Variants in CD99L2 observed in about 807,000 individuals in gnomAD.
CD99L2 encodes the protein CD99 antigen-like protein 2.
In CD99L2, 24 loss-of-function variants were observed where a neutral mutation model predicts 27.3. The ratio of observed to expected loss-of-function variants is 0.88; its 90% CI spans 0.64 to 1.24. The LOEUF is 1.24. Among genes scored for constraint, CD99L2 ranks in the 50% most tolerant of loss-of-function variants. CD99L2 has a pLI of 0.00. For missense variants in CD99L2, 255 were observed against 221.6 expected (o/e 1.15, Z -0.96); for synonymous variants, 97 against 87.9 (o/e 1.10, Z -0.58).
intron 1 of CD99L2, among the ~76,000 whole-genome samples, chrX:150,885,740 G>A (rs560077709): frequency 1.3e-4 from 15 of 112,137 alleles, no homozygotes; most frequent in Non-Finnish European, 2.6e-4. Context: ...GCATCTCTCC[G>A]ATTACTAATG....
chrX:150,822,357 T>C (rs1042469369), intron 2 of CD99L2, among the ~76,000 whole-genome samples: 4 of 111,765 alleles, frequency 3.6e-5, no homozygotes, highest in Admixed American at 1.9e-4. Context: ...TTATTTGGGG[T>C]TGGGAGGATA....
chrX:150,832,358 C>A (rs1346966019), intron 1 of CD99L2, among the ~76,000 whole-genome samples: 1 of 112,216 alleles, frequency 8.9e-6, no homozygotes, highest in Non-Finnish European at 1.9e-5. Context: ...GTGGCTCACG[C>A]CTGTTATCCT....
chrX:150,790,866 C>A (rs1204429409), intron 7 of CD99L2, among the ~76,000 whole-genome samples: 1 of 111,947 alleles, frequency 8.9e-6, no homozygotes, highest in Non-Finnish European at 1.9e-5. Context: ...ATGTACTGAA[C>A]ATTTGTATCC....
In CD99L2 at chrX:150,795,431, TG is replaced by T; in HGVS notation, c.332del (p.Pro111GlnfsTer5). ...TTKRPVTTRA[P>X]ANTLGNDFDL... is the part of the protein sequence containing the mutation. Reference sequence around the variant, plus strand: ...CGGCCACCTTACCTAAAGTATTTGCTGGAGCTCTGGTGGTTACTGGCCTCTT... The same window carrying T: ...CGGCCACCTTACCTAAAGTATTTGCTGAGCTCTGGTGGTTACTGGCCTCTT... On this transcript the variant is annotated frameshift_variant, in exon 5 of 11. Transcript: ENST00000370377. LOFTEE classifies it high-confidence loss of function. 8.3e-7 allele frequency: 1 copy of T among 1,211,772 alleles called. No individual in the cohort carries two copies. The highest frequency in any genetic ancestry group is 1.1e-6 in the Non-Finnish European group (1 of 895,499).
intron 1 of CD99L2, among the ~76,000 whole-genome samples, chrX:150,842,902 G>A (rs1326388476): frequency 6.3e-5 from 7 of 111,870 alleles, no homozygotes; most frequent in African/African-American, 2.0e-4. Context: ...AGGGACTGGC[G>A]CTTGGTAATC....
intron 1 of CD99L2, among the ~76,000 whole-genome samples, chrX:150,835,656 A>G (rs2046515825): frequency 8.9e-6 from 1 of 112,274 alleles, no homozygotes; most frequent in South Asian, 3.7e-4. Context: ...ACAAAAGGGA[A>G]ATCTGTCAAA....
chrX:150,808,007 G>A (rs782596460), intron 4 of CD99L2, among the ~76,000 whole-genome samples: 37 of 112,339 alleles, frequency 3.3e-4, no homozygotes, highest in Non-Finnish European at 6.2e-4. Context: ...ATACCTACAG[G>A]GAAAATGCTT....
rs142617373 is a variant in CD99L2 at position 150,801,971 on chromosome X, G to A, written c.278-6485C>T. ...CAGACTTAATGGTGAAAGACTGAATGCTCTTTCTTTAAGGTCTGAAACACC... is the reference window on the plus strand; with the variant it reads ...CAGACTTAATGGTGAAAGACTGAATACTCTTTCTTTAAGGTCTGAAACACC... On this transcript the variant is annotated intron_variant, in intron 4 of 10. Transcript: ENST00000370377. Among the ~76,000 whole-genome samples, 566 of 111,987 alleles carry A rather than the reference G, an allele frequency of 5.1e-3. 7 individuals carry two copies. Among genetic ancestry groups the A allele is most frequent in the Middle Eastern group, 0.014 (3 of 217 alleles).
Position 150,870,444 on chromosome X carries a change from CG to C in CD99L2, c.67+28077del. 2.7e-5 allele frequency among the ~76,000 whole-genome samples: 3 copies of C among 112,027 alleles called. No homozygotes were observed. In the Admixed American group the frequency reaches 2.8e-4, roughly 11 times the overall value. On this transcript the variant is annotated intron_variant, in intron 1 of 10. Coordinates refer to ENST00000370377, the MANE Select transcript of CD99L2 (RefSeq NM_031462.4). ...GGAAGCAGTCCGTACAAAAATGAGC[CG>C]GGCATTGTGGCATGTGCCTGTAATC...
In CD99L2 at chrX:150,782,804, T is replaced by C. The variant is rs59141676; in HGVS notation, c.497-5322A>G. 7.1e-3 allele frequency among the ~76,000 whole-genome samples: 792 copies of C among 111,397 alleles called. 5 individuals carry two copies. Among genetic ancestry groups the C allele is most frequent in the African/African-American group, 0.021 (631 of 30,555 alleles). ...AAGACCTCACGTCACCCAAAGGCCCTACCCTCCAAATAACATCCTATTGGG... is the reference window on the plus strand; with the variant it reads ...AAGACCTCACGTCACCCAAAGGCCCCACCCTCCAAATAACATCCTATTGGG... On this transcript the variant is annotated intron_variant, in intron 7 of 10. Transcript: ENST00000370377.
intron 1 of CD99L2, among the ~76,000 whole-genome samples, chrX:150,860,285 A>G (rs1352872563): frequency 1.2e-5 from 1 of 86,146 alleles, no homozygotes; most frequent in Admixed American, 1.4e-4. Context: ...CTTCATGGGT[A>G]AAAACTCAAA....
intron 1 of CD99L2, among the ~76,000 whole-genome samples, chrX:150,886,010 C>T (rs2047403117): frequency 8.9e-6 from 1 of 112,108 alleles, no homozygotes; most frequent in Non-Finnish European, 1.9e-5. Flanking sequence ...TATGGTCTCA[C>T]TAGGGTGACC....
chrX:150,876,965 TCTCA>T (rs1557422336), intron 1 of CD99L2, among the ~76,000 whole-genome samples: 1 of 111,283 alleles, frequency 9.0e-6, no homozygotes, highest in Non-Finnish European at 1.9e-5. Context: ...TACAGTCTAA[TCTCA>T]CTTTTAAATA....
chrX:150,824,361 GGAAGAAGAAGAAGAAGAAGAAA>G (rs1280040823), intron 2 of CD99L2, among the ~76,000 whole-genome samples: 3 of 81,202 alleles, frequency 3.7e-5, no homozygotes, highest in African/African-American at 5.0e-5. Context: ...GAAGGAAGAA[GGAAGAAGAAGAAGAAGAAGAAA>G]GAAGAAGAAG....
At chrX:150,849,119 T>C (rs1385602703) in intron 1 of CD99L2, among the ~76,000 whole-genome samples, 1 of 111,747 alleles carries the variant, frequency 8.9e-6, no homozygotes, top group Non-Finnish European at 1.9e-5. Context: ...ATATACCTAA[T>C]GGCAGACTGT....
chrX:150,795,099 G>A, intron 6 of CD99L2, 107 bp downstream of exon 6: 1 of 879,008 alleles, frequency 1.1e-6, no homozygotes, highest in East Asian at 3.1e-5. Flanking sequence ...ACCATTATAG[G>A]GTTCTCCAGT....
At chrX:150,797,176 G>A (rs1472668092) in intron 4 of CD99L2, among the ~76,000 whole-genome samples, 1 of 110,334 alleles carries the variant, frequency 9.1e-6, no homozygotes. Context: ...CCATGAAACT[G>A]AAAATAAGAA....
chrX:150,815,033 C>G (rs1283966697), intron 3 of CD99L2, 97 bp from the exon 4 acceptor site: 1 of 789,003 alleles, frequency 1.3e-6, no homozygotes, highest in Non-Finnish European at 1.9e-6. Context: ...TTCAACTGAT[C>G]AATACCAACA....
chrX:150,816,877 G>A (rs782698767), intron 2 of CD99L2, among the ~76,000 whole-genome samples: 1 of 109,840 alleles, frequency 9.1e-6, no homozygotes, highest in South Asian at 4.0e-4. Flanking sequence ...ATAGAAAAGG[G>A]TGAGTTCATG....
Sources: allele counts gnomAD v4.1 joint callset (sites outside exome capture counted in the v4.1 genomes callset), GRCh38; gene constraint gnomAD v4.1.1; transcripts MANE v1.5; gene names NCBI Gene and HGNC (gene_info 2026-07-23, HGNC 2026-07-21).